CHST9: variants seen among roughly 807,000 people sequenced by gnomAD.
CHST9 encodes GalNAc-4-sulfotransferase 2.
CHST9 carries 41 observed loss-of-function variants against 44.4 expected under a neutral mutation model. That is an observed-to-expected ratio of 0.92 (90% CI 0.72 to 1.20). The LOEUF is 1.20. CHST9 is among the 50% of genes most tolerant of loss of function. The pLI, the probability that CHST9 is intolerant of heterozygous loss-of-function variation, is 0.00. For synonymous variants in CHST9, 171 were observed against 178.4 expected (o/e 0.96, Z 0.33); for missense variants, 504 against 516.5 (o/e 0.98, Z 0.23).
chr18:27,071,059 G>A (rs895254510), intron 2 of CHST9, among the ~76,000 whole-genome samples: 12 of 152,074 alleles, frequency 7.9e-5, no homozygotes, highest in East Asian at 1.9e-4. Flanking sequence ...GCCAACTGGC[G>A]CTAGTTTCTG....
intron 2 of CHST9, among the ~76,000 whole-genome samples, chr18:27,053,066 T>C (rs2057587682): frequency 6.9e-6 from 1 of 145,888 alleles, no homozygotes; most frequent in African/African-American, 2.6e-5. Flanking sequence ...TCAGCACATG[T>C]ATCCCAGAAC....
At chr18:27,126,601 A>G (rs1033394620) in intron 2 of CHST9, among the ~76,000 whole-genome samples, 2 of 152,128 alleles carry the variant, frequency 1.3e-5, no homozygotes, top group East Asian at 3.9e-4. Flanking sequence ...GTTTAGGGCA[A>G]TGTGAGCAAT....
intron 4 of CHST9, among the ~76,000 whole-genome samples, chr18:26,968,429 G>A (rs781126278): frequency 3.9e-5 from 6 of 152,106 alleles, no homozygotes; most frequent in African/African-American, 9.7e-5. Flanking sequence ...AGTGAGGTCG[G>A]TGCTTTTATG....
chr18:27,039,464 GAGAC>G (rs2057422361), intron 3 of CHST9, among the ~76,000 whole-genome samples: 1 of 152,092 alleles, frequency 6.6e-6, no homozygotes, highest in Non-Finnish European at 1.5e-5. Flanking sequence ...CAAATTTATT[GAGAC>G]AGACAGTGAA....
chr18:26,964,337 C>G (rs1385258135), intron 4 of CHST9, among the ~76,000 whole-genome samples: 2 of 152,172 alleles, frequency 1.3e-5, no homozygotes, highest in African/African-American at 4.8e-5. Flanking sequence ...CATTCTCAAC[C>G]GCCCACCTGT....
chr18:27,151,674 C>T (rs865906970), intron 1 of CHST9, among the ~76,000 whole-genome samples: 13 of 152,186 alleles, frequency 8.5e-5, no homozygotes, highest in South Asian at 6.2e-4. Flanking sequence ...ATATTAAGAA[C>T]GACTGGAATC....
intron 4 of CHST9, among the ~76,000 whole-genome samples, chr18:26,960,018 G>A (rs900614464): frequency 6.6e-6 from 1 of 152,146 alleles, no homozygotes; most frequent in Non-Finnish European, 1.5e-5. Context: ...GGGAGAAGAT[G>A]CTATTAATGC....
chr18:27,168,609 T>C (rs1194168087), intron 1 of CHST9, among the ~76,000 whole-genome samples: 1 of 152,164 alleles, frequency 6.6e-6, no homozygotes, highest in Non-Finnish European at 1.5e-5. Flanking sequence ...AGTTTTGATC[T>C]TGTTGAGTTT....
At chr18:26,975,719 GTGTGTGTATATA>G (rs2056612779) in intron 4 of CHST9, among the ~76,000 whole-genome samples, 1 of 83,308 alleles carries the variant, frequency 1.2e-5, no homozygotes, top group Non-Finnish European at 2.3e-5. Context: ...ATGTGTGTGT[GTGTGTGTATATA>G]TATATATATA....
At position 27,075,806 on chromosome 18, in the gene CHST9, T is replaced by A. The variant is rs913390579; in HGVS notation, c.122-27303A>T. ...ATTGATTACACAACACCTAAATATT[T>A]AAAAAAAATCTGCCAGATTTAGGGA... On this transcript the variant is annotated intron_variant, in intron 2 of 5. Transcript: ENST00000618847. Among the ~76,000 whole-genome samples, 11 of 151,972 alleles carry A rather than the reference T, an allele frequency of 7.2e-5. 1 individual carries two copies. Among genetic ancestry groups the A allele is most frequent in the African/African-American group, 2.7e-4 (11 of 41,382 alleles).
At position 27,059,563 on chromosome 18, in the gene CHST9, G is replaced by A. The variant is rs1278405821; in HGVS notation, c.122-11060C>T. ...TCCAAACAGAATCTATGCTTGTGAA[G>A]TCTGAGTTTGTTCACTTTAAATAGC... On this transcript the variant is annotated intron_variant, in intron 2 of 5. Transcript: ENST00000618847. Among the ~76,000 whole-genome samples, 7 of 152,286 alleles carry A rather than the reference G, an allele frequency of 4.6e-5. No homozygotes were observed. The East Asian group carries it at 1.2e-3, about 25-fold the overall frequency.
chr18:27,184,283 G>C (rs1052540375), intron 1 of CHST9, among the ~76,000 whole-genome samples: 9 of 152,104 alleles, frequency 5.9e-5, no homozygotes, highest in African/African-American at 9.7e-5. Flanking sequence ...GGACCGCAGA[G>C]AGAGAGAAAG....
At chr18:27,031,960 A>G (rs1462026917) in intron 3 of CHST9, among the ~76,000 whole-genome samples, 1 of 152,050 alleles carries the variant, frequency 6.6e-6, no homozygotes, top group African/African-American at 2.4e-5. Flanking sequence ...TCTTAACCTT[A>G]CCACGCATGC....
chr18:26,956,311 C>CA lies in CHST9; in HGVS notation c.203-11946dup, dbSNP rs10641983. On this transcript the variant is annotated intron_variant, in intron 4 of 5. Transcript: ENST00000618847. ...TGGGCGACAGAGTGAGACTCTGTCT[C>CA]AAAAAAAAAAAAAAAATATATATAT... is the stretch of plus-strand genomic sequence containing the variant. Among the ~76,000 whole-genome samples, 520 of 112,302 alleles carry CA rather than the reference C, an allele frequency of 4.6e-3. 4 individuals carry two copies. The highest frequency in any genetic ancestry group is 0.015 in the Middle Eastern group (3 of 204). 73.7% of individuals were successfully genotyped at this position (112,302 alleles called of 152,430 possible).
intron 3 of CHST9, among the ~76,000 whole-genome samples, chr18:27,045,870 C>T (rs2057493831): frequency 6.6e-6 from 1 of 152,022 alleles, no homozygotes. Flanking sequence ...GACTACAGGA[C>T]AGTTTTATTC....
At chr18:27,005,637 C>A (rs1422097858) in intron 4 of CHST9, among the ~76,000 whole-genome samples, 1 of 151,972 alleles carries the variant, frequency 6.6e-6, no homozygotes, top group African/African-American at 2.4e-5. Flanking sequence ...ATTAAAAGAT[C>A]CTGGAATATA....
chr18:27,120,283 T>C (rs1313930044), intron 2 of CHST9, among the ~76,000 whole-genome samples: 1 of 152,196 alleles, frequency 6.6e-6, no homozygotes, highest in African/African-American at 2.4e-5. Flanking sequence ...CGTTACCACT[T>C]ATCCTCTTCT....
At chr18:27,160,196 C>A (rs1420968939) in intron 1 of CHST9, among the ~76,000 whole-genome samples, 5 of 152,084 alleles carry the variant, frequency 3.3e-5, no homozygotes, top group Admixed American at 6.6e-5. Flanking sequence ...CCAGTTTTCA[C>A]AGGGAATGCT....
rs529449630 is a variant in CHST9, at chr18:26,918,009, A to C, written c.241-659T>G. Among the ~76,000 whole-genome samples, 3 of 152,292 alleles carry C rather than the reference A, an allele frequency of 2.0e-5. No individual in the cohort carries two copies. The South Asian group carries it at 6.2e-4, about 32-fold the overall frequency. The stretch of plus-strand genomic sequence containing the variant: ...CTCTTTCCCAAGTGAAGAATGACTA[A>C]GGAATCCAGAAAAGTCTACTTGACG... On this transcript the variant is annotated intron_variant, in intron 5 of 5. Coordinates refer to ENST00000618847, the MANE Select transcript of CHST9 (RefSeq NM_031422.6).
Sources: gnomAD v4.1 joint callset for allele counts (sites outside exome capture counted in the v4.1 genomes callset) on GRCh38, gnomAD v4.1.1 for gene constraint, MANE v1.5 for transcripts, NCBI Gene and HGNC (gene_info 2026-07-23, HGNC 2026-07-21) for gene names.